The following QSER1 variants were observed in gnomAD, a reference collection of about 807,000 sequenced individuals.
QSER1 encodes the protein glutamine and serine-rich protein 1.
A neutral mutation model predicts 158.5 loss-of-function variants in QSER1; 49 were observed. The observed-to-expected ratio is 0.31, with a 90% CI of 0.25 to 0.39. QSER1 has a LOEUF of 0.39. Ranked by LOEUF, QSER1 falls within the 10% of genes least tolerant of loss-of-function variation. The pLI, the probability that QSER1 is intolerant of heterozygous loss-of-function variation, is 1.00. For synonymous variants in QSER1, 650 were observed against 715.5 expected (o/e 0.91, Z 1.46); for missense variants, 1,754 against 2,010.3 (o/e 0.87, Z 2.44).
rs1851498955 is a variant in QSER1 at position 32,892,867 on chromosome 11, C to G, written c.-259C>G. ...CGGCCGCCGCCGCCGCCGCCGTCGC[C>G]GCGAGTCCCGGCCGCGGGTGCCTCC... On this transcript the variant is annotated 5_prime_UTR_variant, in exon 1 of 13. Transcript: ENST00000650167. Among the ~76,000 whole-genome samples the G allele has an allele frequency of 6.7e-6, 1 of 149,396 alleles. No homozygotes were observed. Among genetic ancestry groups the G allele is most frequent in the African/African-American group, 2.4e-5 (1 of 41,020 alleles).
intron 1 of QSER1, among the ~76,000 whole-genome samples, chr11:32,908,904 A>G (rs1851728839): frequency 6.6e-6 from 1 of 152,224 alleles, no homozygotes; most frequent in South Asian, 2.1e-4. Context: ...TCACGCCTGT[A>G]ATCCCAGCAC....
chr11:32,933,066 C>T lies in QSER1; in HGVS notation c.1808C>T (p.Ser603Phe). The T allele has an allele frequency of 6.2e-7, 1 of 1,613,652 alleles. No homozygotes were observed. The highest frequency in any genetic ancestry group is 8.5e-7 in the Non-Finnish European group (1 of 1,180,006). The change falls in exon 4 of 13, where the codon TCT becomes TTT. Residue 603 changes from serine (S) to phenylalanine (F), a missense_variant. Coordinates refer to ENST00000650167, the MANE Select transcript of QSER1 (RefSeq NM_001076786.3). The stretch of plus-strand genomic sequence containing the variant: ...CTAACATTAACAGCCCCTTCTCTTT[C>T]TTATTCTTCTGCCTCTCGGGCTCAG... ...ESLTLTAPSLSYSSASRAQNL... is the reference protein window; with the variant it reads ...ESLTLTAPSLFYSSASRAQNL...
rs557721927 is a variant in QSER1 at position 32,903,613 on chromosome 11, G to C, written c.209+10279G>C. ...AAGTTTTTTATTTGTTTGTTTGTTT[G>C]TTTGTTTGTTTGTGAGACAGTCTTG... On this transcript the variant is annotated intron_variant, in intron 1 of 12. Transcript: ENST00000650167. Among the ~76,000 whole-genome samples, 201 of 151,784 alleles carry C rather than the reference G, an allele frequency of 1.3e-3. 13 individuals are homozygous for C. Among genetic ancestry groups the C allele is most frequent in the Middle Eastern group, 3.4e-3 (1 of 292 alleles).
At chr11:32,941,797 C>G (rs572234611) in intron 4 of QSER1, among the ~76,000 whole-genome samples, 6 of 151,776 alleles carry the variant, frequency 4.0e-5, no homozygotes, top group African/African-American at 7.3e-5. Context: ...GATCCCTGAG[C>G]AATCGCCACA....
chr11:32,966,523 TGACTTGTGTAATATATACCTATA>T (rs1564947385), intron 9 of QSER1, 86 bp downstream of exon 9: 21 of 1,303,842 alleles, frequency 1.6e-5, no homozygotes, highest in Non-Finnish European at 2.1e-5. Context: ...TGTTTATATG[TGACTTGTGTAATATATACCTATA>T]AATTGTCAGT....
chr11:32,976,331 TA>T lies in QSER1; in HGVS notation c.5455-2del. On this transcript the variant is annotated splice_acceptor_variant, in intron 12 of 12. Coordinates refer to ENST00000650167, the MANE Select transcript of QSER1 (RefSeq NM_001076786.3). LOFTEE classifies it high-confidence loss of function. ...AGCTAATTTGGCGATTTTCTTTTTT[TA>T]GATTTCTTCGGTGCAGAAAAAAAAT... 1 of 1,578,288 alleles carries T rather than the reference TA, an allele frequency of 6.3e-7. No homozygotes were observed. Among genetic ancestry groups the T allele is most frequent in the Non-Finnish European group, 8.5e-7 (1 of 1,169,700 alleles).
rs540315293 is a variant in QSER1, at chr11:32,969,359, A to G, written c.5205+216A>G. Among the ~76,000 whole-genome samples the G allele has an allele frequency of 2.6e-5, 4 of 152,174 alleles. No individual in the cohort carries two copies. The South Asian group carries it at 6.2e-4, about 24-fold the overall frequency. ...ATTTTTTAGGCATTTATAGTTATCT[A>G]TTATATCTTCTATAAAATAATTTCC... On this transcript the variant is annotated intron_variant, in intron 10 of 12. Coordinates refer to ENST00000650167, the MANE Select transcript of QSER1 (RefSeq NM_001076786.3).
chr11:32,921,379 G>A (rs935043758), intron 1 of QSER1, among the ~76,000 whole-genome samples: 2 of 152,146 alleles, frequency 1.3e-5, no homozygotes, highest in South Asian at 2.1e-4. Flanking sequence ...ATGGATACAC[G>A]TTTATTTGGG....
At chr11:32,969,234 A>G in intron 10 of QSER1, 91 bp downstream of exon 10, 1 of 824,836 alleles carries the variant, frequency 1.2e-6, no homozygotes, top group Non-Finnish European at 1.9e-6. Context: ...TTATTCACTT[A>G]CAACATTTTT....
chr11:32,932,571 A>G lies in QSER1; in HGVS notation c.1313A>G (p.Tyr438Cys), dbSNP rs1288382820. The G allele has an allele frequency of 6.2e-7, 1 of 1,614,162 alleles. No individual in the cohort carries two copies. Among genetic ancestry groups the G allele is most frequent in the East Asian group, 2.2e-5 (1 of 44,884 alleles). The change falls in exon 4 of 13, where the codon TAT (tyrosine) becomes TGT (cysteine). Residue 438 changes from tyrosine to cysteine, a missense_variant. Physicochemically the swap from Tyr to Cys is radical, Grantham distance 194. Coordinates refer to ENST00000650167, the MANE Select transcript of QSER1 (RefSeq NM_001076786.3). ...ATTCCTCCTGTGCAAACACTAAGCT[A>G]TTCCAAACCTTTACATAATCAGAGT... ...SIIPPVQTLS[Y>C]SKPLHNQSSV... is the part of the protein sequence containing the mutation.
chr11:32,952,960 G>C (rs528340635), intron 4 of QSER1, among the ~76,000 whole-genome samples: 1 of 151,424 alleles, frequency 6.6e-6, no homozygotes, highest in African/African-American at 2.4e-5. Context: ...GCACCACCAC[G>C]CCCAGCTAAT....
chr11:32,894,035 T>G (rs1296309873), intron 1 of QSER1, among the ~76,000 whole-genome samples: 1 of 152,044 alleles, frequency 6.6e-6, no homozygotes, highest in Non-Finnish European at 1.5e-5. Context: ...TTTCTTTGCC[T>G]TCTATGCCTC....
chr11:32,940,432 C>T (rs529513076), intron 4 of QSER1, among the ~76,000 whole-genome samples: 140 of 152,210 alleles, frequency 9.2e-4, no homozygotes, highest in Middle Eastern at 3.4e-3. Flanking sequence ...GATTTTTACA[C>T]TTAGATTCAT....
At chr11:32,911,854 A>G (rs1851770944) in intron 1 of QSER1, among the ~76,000 whole-genome samples, 1 of 152,128 alleles carries the variant, frequency 6.6e-6, no homozygotes, top group African/African-American at 2.4e-5. Flanking sequence ...GGACTAATAC[A>G]CCCTATAATA....
Position 32,933,259 on chromosome 11 carries a change from T to A in QSER1, c.2001T>A (p.Thr667=), listed in dbSNP as rs376477822. 18 of 1,613,232 alleles carry A rather than the reference T, an allele frequency of 1.1e-5. No homozygotes were observed. In the African/African-American group the frequency reaches 1.6e-4, roughly 14 times the overall value. ...GTCAGACATTACAAAATAACATAAC[T>A]TCCCCTGACCCAAAGTCTTATGCTG... ...THCQTLQNNI[T]SPDPKSYAER... is the part of the protein sequence containing the mutation. Residue 667 remains threonine (T), a synonymous_variant, in exon 4 of 13, where the codon ACT becomes ACA. Coordinates refer to ENST00000650167, the MANE Select transcript of QSER1 (RefSeq NM_001076786.3).
chr11:32,948,969 C>T (rs797004674), intron 4 of QSER1, among the ~76,000 whole-genome samples: 11 of 152,200 alleles, frequency 7.2e-5, no homozygotes, highest in African/African-American at 2.4e-4. Context: ...TTAGCTTCTC[C>T]AAATCTGTCA....
At chr11:32,962,040 G>A (rs1018503119) in intron 8 of QSER1, among the ~76,000 whole-genome samples, 4 of 152,244 alleles carry the variant, frequency 2.6e-5, no homozygotes, top group Middle Eastern at 6.8e-3. Context: ...CCTATGTTTA[G>A]CCTTTAGAGG....
chr11:32,954,216 T>C, intron 5 of QSER1, 37 bp downstream of exon 5: 3 of 1,578,928 alleles, frequency 1.9e-6, no homozygotes, highest in Non-Finnish European at 1.7e-6. Flanking sequence ...GGTCATAGTT[T>C]AGTTAGTGTG....
intron 8 of QSER1, among the ~76,000 whole-genome samples, chr11:32,964,980 C>T (rs1852712154): frequency 6.6e-6 from 1 of 151,936 alleles, no homozygotes; most frequent in Non-Finnish European, 1.5e-5. Context: ...CCCACCTCAG[C>T]CTCCCAAGTA....
Sources: allele counts gnomAD v4.1 joint callset (sites outside exome capture counted in the v4.1 genomes callset), GRCh38; gene constraint gnomAD v4.1.1; transcripts MANE v1.5; gene names NCBI Gene and HGNC (gene_info 2026-07-23, HGNC 2026-07-21).